The following LRRC49 variants were observed in gnomAD, a reference collection of about 807,000 sequenced individuals.
LRRC49 encodes the protein leucine-rich repeat-containing protein 49.
In LRRC49, 50 loss-of-function variants were observed where a neutral mutation model predicts 83.3. That is an observed-to-expected ratio of 0.60 (90% CI 0.48 to 0.76). The LOEUF (loss-of-function observed/expected upper bound fraction) is 0.76, where lower values mean the gene tolerates loss of function less well. Ranked by LOEUF, LRRC49 falls within the 30% of genes least tolerant of loss-of-function variation. The probability of loss-of-function intolerance (pLI) is 0.00; values close to 1 mark genes in which losing one functional copy is unlikely to be tolerated. For synonymous variants in LRRC49, 286 were observed against 283.3 expected (o/e 1.01, Z -0.10); for missense variants, 704 against 809.1 (o/e 0.87, Z 1.58).
chr15:71,008,374 T>C lies in LRRC49; in HGVS notation c.1170-5T>C, dbSNP rs2038533535. 1 of 1,588,718 alleles carries C rather than the reference T, an allele frequency of 6.3e-7. No homozygotes were observed. Among genetic ancestry groups the C allele is most frequent in the Non-Finnish European group, 8.6e-7 (1 of 1,159,480 alleles). ...TCATTTAAAATTATACTTTGGGTTT[T>C]CCAGGCCTCTAGACTCAGGACTCAA... On this transcript the variant is annotated splice_polypyrimidine_tract_variant and splice_region_variant and intron_variant, in intron 11 of 15. Coordinates refer to ENST00000260382, the MANE Select transcript of LRRC49 (RefSeq NM_017691.5).
chr15:70,980,091 T>C lies in LRRC49; in HGVS notation c.922-10T>C, dbSNP rs1185402136. 1 of 1,585,960 alleles carries C rather than the reference T, an allele frequency of 6.3e-7. No homozygotes were observed. The highest frequency in any genetic ancestry group is 8.6e-7 in the Non-Finnish European group (1 of 1,161,448). On this transcript the variant is annotated splice_polypyrimidine_tract_variant and intron_variant, in intron 9 of 15. Transcript: ENST00000260382. ...ACTCTTCATAATACTTTTCGGAAAA[T>C]GTCTTTTAGGAAGAAGAAAGGCGTA...
chr15:70,903,742 G>A (rs891610596), intron 4 of LRRC49, among the ~76,000 whole-genome samples: 2 of 152,066 alleles, frequency 1.3e-5, no homozygotes, highest in African/African-American at 2.4e-5. Flanking sequence ...GTAGAATCAC[G>A]CAGGACCTCA....
chr15:70,976,240 C>T (rs1042822187), intron 9 of LRRC49, among the ~76,000 whole-genome samples: 2 of 152,190 alleles, frequency 1.3e-5, no homozygotes, highest in Non-Finnish European at 2.9e-5. Context: ...GGTGACATGG[C>T]TTCTAATCTT....
chr15:70,866,058 A>G (rs2032903082), intron 1 of LRRC49, among the ~76,000 whole-genome samples: 1 of 152,008 alleles, frequency 6.6e-6, no homozygotes, highest in African/African-American at 2.4e-5. Flanking sequence ...AGAGACATGT[A>G]TATCTTTCTC....
At chr15:71,030,790 T>C (rs1176844787) in intron 14 of LRRC49, among the ~76,000 whole-genome samples, 1 of 151,932 alleles carries the variant, frequency 6.6e-6, no homozygotes, top group East Asian at 1.9e-4. Flanking sequence ...TGATATCCTT[T>C]CTTCTGCTTG....
chr15:70,934,389 T>C (rs952014889), intron 7 of LRRC49, among the ~76,000 whole-genome samples: 56 of 152,158 alleles, frequency 3.7e-4, no homozygotes, highest in African/African-American at 1.2e-3. Flanking sequence ...TTGTGTATAA[T>C]TATTTGCTTT....
In LRRC49 at chr15:70,922,757, G is replaced by C. The variant is rs1284980352; in HGVS notation, c.711+3564G>C. 6.6e-5 allele frequency among the ~76,000 whole-genome samples: 10 copies of C among 152,004 alleles called. 1 individual carries two copies. The East Asian group carries it at 1.9e-3, about 29-fold the overall frequency. On this transcript the variant is annotated intron_variant, in intron 7 of 15. Coordinates refer to ENST00000260382, the MANE Select transcript of LRRC49 (RefSeq NM_017691.5). ...TGTGCTTATTACACATTGCATGCCT[G>C]TATCAAAACAGCTCATGTACCCCAT...
intron 7 of LRRC49, among the ~76,000 whole-genome samples, chr15:70,922,804 A>G (rs538986378): frequency 6.6e-6 from 1 of 152,174 alleles, no homozygotes; most frequent in Admixed American, 6.5e-5. Context: ...CCTACTAGGT[A>G]CCCACAAAAA....
intron 1 of LRRC49, chr15:70,853,806 GTCGCGCGCAGTCAGCGCCCCGAAC>G: frequency 9.7e-7 from 1 of 1,032,728 alleles, no homozygotes; most frequent in East Asian, 3.6e-5. Context: ...CCGAGGAGTT[GTCGCGCGCAGTCAGCGCCCCGAAC>G]TCGCGCGCGG....
intron 11 of LRRC49, among the ~76,000 whole-genome samples, chr15:70,993,857 C>A (rs1316382526): frequency 6.6e-6 from 1 of 151,770 alleles, no homozygotes; most frequent in African/African-American, 2.4e-5. Context: ...TTTCTTTCTT[C>A]TTTTGGAGAT....
At chr15:70,894,235 T>C (rs1483983866) in intron 2 of LRRC49, among the ~76,000 whole-genome samples, 2 of 152,220 alleles carry the variant, frequency 1.3e-5, no homozygotes, top group East Asian at 1.9e-4. Context: ...TTCTTAAAAT[T>C]GATGGCATGT....
At chr15:71,019,490 G>A (rs1439989772) in intron 14 of LRRC49, among the ~76,000 whole-genome samples, 2 of 152,272 alleles carry the variant, frequency 1.3e-5, no homozygotes, top group African/African-American at 4.8e-5. Context: ...ATAAATTTTT[G>A]TTCTGCTAGT....
At chr15:71,039,092 A>T (rs912814719) in intron 15 of LRRC49, among the ~76,000 whole-genome samples, 23 of 152,178 alleles carry the variant, frequency 1.5e-4, no homozygotes, top group Admixed American at 1.5e-3. Context: ...AAGATAAAAT[A>T]TAGCTATATT....
rs1403508391 is a variant in LRRC49 at position 70,904,866 on chromosome 15, A to T, written c.500+111A>T. ...AGAAATGAATAGGCTAAAATTTTTT[A>T]AAAATTATTTGAATTAGTTGAATGG... On this transcript the variant is annotated intron_variant, in intron 5 of 15. Coordinates refer to ENST00000260382, the MANE Select transcript of LRRC49 (RefSeq NM_017691.5). 293 of 766,720 alleles carry T rather than the reference A, an allele frequency of 3.8e-4. 1 individual carries two copies. The highest frequency in any genetic ancestry group is 8.4e-5 in the Non-Finnish European group (40 of 476,498). The allele number at this position is 766,720 out of a possible 1,614,324, so 47.5% of individuals were successfully genotyped here.
intron 14 of LRRC49, among the ~76,000 whole-genome samples, chr15:71,032,994 A>T (rs71510548): frequency 6.6e-6 from 1 of 152,208 alleles, no homozygotes; most frequent in Non-Finnish European, 1.5e-5. Context: ...TCAACATAGT[A>T]TTGGAAGTTC....
chr15:71,013,035 T>A, intron 14 of LRRC49, 122 bp downstream of exon 14: 1 of 626,760 alleles, frequency 1.6e-6, no homozygotes, highest in Non-Finnish European at 2.8e-6. Context: ...TAGACTGGCC[T>A]ATTGAAAGTG....
intron 3 of LRRC49, among the ~76,000 whole-genome samples, chr15:70,897,753 T>A (rs1247002575): frequency 6.6e-6 from 1 of 152,236 alleles, no homozygotes; most frequent in African/African-American, 2.4e-5. Flanking sequence ...ATATTTTCTT[T>A]AAGCTAGTGA....
intron 15 of LRRC49, among the ~76,000 whole-genome samples, chr15:71,043,000 T>A (rs2039743734): frequency 6.6e-6 from 1 of 152,206 alleles, no homozygotes; most frequent in Non-Finnish European, 1.5e-5. Context: ...CTCTCTCTTT[T>A]CTGAACACTG....
intron 8 of LRRC49, among the ~76,000 whole-genome samples, chr15:70,953,898 A>T (rs985855031): frequency 3.3e-5 from 5 of 151,038 alleles, no homozygotes; most frequent in African/African-American, 1.2e-4. Context: ...TTTCATTTTT[A>T]TTTATTTATT....
Sources: allele counts gnomAD v4.1 joint callset (sites outside exome capture counted in the v4.1 genomes callset), GRCh38; gene constraint gnomAD v4.1.1; transcripts MANE v1.5; gene names NCBI Gene and HGNC (gene_info 2026-07-23, HGNC 2026-07-21).